PPM1L: variants seen among roughly 807,000 people sequenced by gnomAD.
The protein encoded by PPM1L is protein phosphatase 1L.
PPM1L carries 13 observed loss-of-function variants against 31.4 expected under a neutral mutation model. The observed-to-expected ratio is 0.41, with a 90% CI of 0.27 to 0.66. PPM1L has a LOEUF of 0.66. Among genes scored for constraint, PPM1L ranks in the 30% least tolerant of loss-of-function variants. The pLI is 0.29. For missense variants in PPM1L, 326 were observed against 453.7 expected (o/e 0.72, Z 2.56); for synonymous variants, 184 against 175.4 (o/e 1.05, Z -0.39).
intron 1 of PPM1L, among the ~76,000 whole-genome samples, chr3:160,855,470 A>G (rs1018872989): frequency 6.6e-6 from 1 of 152,198 alleles, no homozygotes; most frequent in African/African-American, 2.4e-5. Context: ...TTTGCAAACT[A>G]TGCATCTAGC....
In PPM1L at chr3:161,073,528, TAGC is replaced by T. The variant is rs1559946069; in HGVS notation, c.*4374_*4376del. 1 of 152,070 alleles carries T rather than the reference TAGC, an allele frequency of 6.6e-6. No individual in the cohort carries two copies. Among genetic ancestry groups the T allele is most frequent in the African/African-American group, 2.4e-5 (1 of 41,410 alleles). The allele number at this position is 152,070 out of a possible 1,614,324, so 9.4% of individuals were successfully genotyped here. On this transcript the variant is annotated 3_prime_UTR_variant, in exon 4 of 4. Coordinates refer to ENST00000498165, the MANE Select transcript of PPM1L (RefSeq NM_139245.4). ...ATGACCAACAGCAGCCTCATATTGA[TAGC>T]AGAACAATCCTACTTAAAGCTCTAA...
chr3:160,885,806 T>C (rs544359764), intron 1 of PPM1L, among the ~76,000 whole-genome samples: 1 of 152,338 alleles, frequency 6.6e-6, no homozygotes, highest in Admixed American at 6.5e-5. Flanking sequence ...GCCTCTCAGC[T>C]GCAATCTGCT....
At chr3:160,985,346 T>G (rs1716930998) in intron 2 of PPM1L, among the ~76,000 whole-genome samples, 1 of 152,100 alleles carries the variant, frequency 6.6e-6, no homozygotes. Flanking sequence ...GAGCAAAATT[T>G]TAAAGGGTAA....
At chr3:160,974,262 AG>A (rs1477968035) in intron 2 of PPM1L, among the ~76,000 whole-genome samples, 1 of 151,352 alleles carries the variant, frequency 6.6e-6, no homozygotes, top group African/African-American at 2.4e-5. Context: ...TTCTTAATCC[AG>A]TCTATCATTG....
At chr3:160,929,561 A>G (rs1039072322) in intron 1 of PPM1L, among the ~76,000 whole-genome samples, 5 of 152,192 alleles carry the variant, frequency 3.3e-5, no homozygotes, top group African/African-American at 1.2e-4. Flanking sequence ...TTCAGTGTCT[A>G]GTTAAGTGTT....
chr3:160,945,124 T>TATATATATAA (rs1559897816), intron 1 of PPM1L, among the ~76,000 whole-genome samples: 1 of 23,466 alleles, frequency 4.3e-5, no homozygotes, highest in African/African-American at 1.3e-4. Flanking sequence ...TATCTATCTA[T>TATATATATAA]CTATCTATCT....
At chr3:160,836,485 A>C (rs1031087544) in intron 1 of PPM1L, among the ~76,000 whole-genome samples, 1 of 152,224 alleles carries the variant, frequency 6.6e-6, no homozygotes, top group African/African-American at 2.4e-5. Context: ...GATTTCCATC[A>C]TCTGTAAAAT....
chr3:161,046,534 T>G (rs1245446503), intron 2 of PPM1L, among the ~76,000 whole-genome samples: 3 of 152,188 alleles, frequency 2.0e-5, no homozygotes, highest in Non-Finnish European at 4.4e-5. Flanking sequence ...GTACCATTCC[T>G]TCTGAAACTA....
intron 1 of PPM1L, among the ~76,000 whole-genome samples, chr3:160,794,711 G>A (rs1712197104): frequency 6.6e-6 from 1 of 152,080 alleles, no homozygotes; most frequent in Admixed American, 6.6e-5. Context: ...GCTTCCCTGG[G>A]CCACATTGGA....
chr3:160,970,041 A>C (rs1223129221), intron 2 of PPM1L, among the ~76,000 whole-genome samples: 1 of 152,148 alleles, frequency 6.6e-6, no homozygotes, highest in African/African-American at 2.4e-5. Flanking sequence ...AACATTTTTA[A>C]TCATATTTTA....
At chr3:160,840,041 G>A (rs1306764362) in intron 1 of PPM1L, among the ~76,000 whole-genome samples, 2 of 152,156 alleles carry the variant, frequency 1.3e-5, no homozygotes, top group Non-Finnish European at 2.9e-5. Context: ...GGGAAATGCT[G>A]GTTTAAGTGA....
chr3:160,900,309 A>T (rs746727098), intron 1 of PPM1L, among the ~76,000 whole-genome samples: 19 of 151,940 alleles, frequency 1.3e-4, no homozygotes, highest in Non-Finnish European at 2.5e-4. Context: ...TATTCCTGAC[A>T]TTTTATTTTG....
At chr3:160,918,328 G>T (rs747418215) in intron 1 of PPM1L, among the ~76,000 whole-genome samples, 6 of 152,224 alleles carry the variant, frequency 3.9e-5, no homozygotes, top group Non-Finnish European at 8.8e-5. Context: ...AGGAATGGTT[G>T]AATGAATGTT....
At chr3:160,762,353 C>T (rs1354864214) in intron 1 of PPM1L, among the ~76,000 whole-genome samples, 1 of 151,942 alleles carries the variant, frequency 6.6e-6, no homozygotes, top group African/African-American at 2.4e-5. Context: ...GCTTAAAGAC[C>T]TTTTTGTATG....
intron 2 of PPM1L, among the ~76,000 whole-genome samples, chr3:161,004,660 T>C (rs1717638353): frequency 6.7e-6 from 1 of 149,660 alleles, no homozygotes; most frequent in Non-Finnish European, 1.5e-5. Context: ...GATGGTAGTT[T>C]GTATTTCTGT....
intron 1 of PPM1L, among the ~76,000 whole-genome samples, chr3:160,914,503 T>A (rs1475411937): frequency 1.4e-5 from 2 of 144,954 alleles, no homozygotes; most frequent in Non-Finnish European, 3.0e-5. Context: ...TGTATTCTCA[T>A]TGTTCAATTC....
chr3:160,937,554 A>G (rs1014998930), intron 1 of PPM1L, among the ~76,000 whole-genome samples: 1 of 152,178 alleles, frequency 6.6e-6, no homozygotes, highest in East Asian at 1.9e-4. Flanking sequence ...CAGGAGGCTG[A>G]GCTTGCAGTG....
chr3:161,043,959 A>G (rs571090604), intron 2 of PPM1L, among the ~76,000 whole-genome samples: 3 of 152,210 alleles, frequency 2.0e-5, no homozygotes, highest in Non-Finnish European at 4.4e-5. Flanking sequence ...GCCATGAATT[A>G]AAAAAACAAT....
chr3:160,967,659 C>G (rs968704250), intron 2 of PPM1L, among the ~76,000 whole-genome samples: 2 of 151,954 alleles, frequency 1.3e-5, no homozygotes, highest in Non-Finnish European at 2.9e-5. Flanking sequence ...ACATTTAGAC[C>G]CCCTTTCTAA....
Sources: gnomAD v4.1 joint callset for allele counts (sites outside exome capture counted in the v4.1 genomes callset) on GRCh38, gnomAD v4.1.1 for gene constraint, MANE v1.5 for transcripts, NCBI Gene and HGNC (gene_info 2026-07-23, HGNC 2026-07-21) for gene names.